The following ITGB3BP variants were observed in gnomAD, a reference collection of about 807,000 sequenced individuals.
ITGB3BP encodes the protein integrin subunit beta 3 binding protein, also known as centromere protein R.
Under a neutral mutation model 29.1 loss-of-function variants are expected in ITGB3BP, and 27 were observed. The ratio of observed to expected loss-of-function variants is 0.93; its 90% CI spans 0.68 to 1.28. The LOEUF (loss-of-function observed/expected upper bound fraction) is 1.28, where lower values mean the gene tolerates loss of function less well. Ranked by LOEUF, ITGB3BP falls within the 50% of genes most tolerant of loss-of-function variation. The pLI, the probability that ITGB3BP is intolerant of heterozygous loss-of-function variation, is 0.00. For synonymous variants in ITGB3BP, 61 were observed against 61.4 expected (o/e 0.99, Z 0.03); for missense variants, 192 against 200.2 (o/e 0.96, Z 0.25).
In ITGB3BP at chr1:63,480,898, ATC is replaced by A. The variant is rs1645426879; in HGVS notation, c.185-2067_185-2066del. 2.6e-5 allele frequency among the ~76,000 whole-genome samples: 4 copies of A among 152,208 alleles called. No individual in the cohort carries two copies. The South Asian group carries it at 8.3e-4, about 32-fold the overall frequency. ...GAGAGTTTTGGAGTAATAAATTAAA[ATC>A]TGTCTCTAAAAAAAAGCTGAAAATG... On this transcript the variant is annotated intron_variant, in intron 3 of 8. Coordinates refer to ENST00000271002, the MANE Select transcript of ITGB3BP (RefSeq NM_014288.5).
intron 4 of ITGB3BP, among the ~76,000 whole-genome samples, chr1:63,462,498 T>C (rs911358340): frequency 6.6e-6 from 1 of 152,242 alleles, no homozygotes; most frequent in Admixed American, 6.5e-5. Flanking sequence ...GAATTTCCAA[T>C]ACAATGTTGA....
intron 4 of ITGB3BP, among the ~76,000 whole-genome samples, chr1:63,463,249 CAA>C (rs10693054): frequency 5.4e-4 from 42 of 77,134 alleles, no homozygotes; most frequent in African/African-American, 1.8e-3. Context: ...AACTCTGTCT[CAA>C]AAAAAAAAAA....
At chr1:63,485,886 T>A (rs1306618910) in intron 3 of ITGB3BP, among the ~76,000 whole-genome samples, 1 of 152,078 alleles carries the variant, frequency 6.6e-6, no homozygotes, top group South Asian at 2.1e-4. Context: ...AGTTTTATCA[T>A]GATATAACTA....
upstream of ITGB3BP, among the ~76,000 whole-genome samples, chr1:63,525,213 GA>G (rs1403207817): frequency 3.3e-5 from 5 of 152,206 alleles, no homozygotes; most frequent in East Asian, 9.7e-4. Context: ...CGTATTTTGA[GA>G]GAATAGATGT....
intron 4 of ITGB3BP, among the ~76,000 whole-genome samples, chr1:63,473,445 G>A (rs1205301649): frequency 1.2e-4 from 18 of 144,026 alleles, no homozygotes; most frequent in Non-Finnish European, 2.3e-4. Flanking sequence ...CCCTCTGCCC[G>A]GCCAGTCGCC....
intron 2 of ITGB3BP, among the ~76,000 whole-genome samples, chr1:63,495,535 C>T (rs1368775393): frequency 6.6e-6 from 1 of 152,132 alleles, no homozygotes; most frequent in Non-Finnish European, 1.5e-5. Context: ...TTTCAGTTTC[C>T]TCACTTAACT....
intron 4 of ITGB3BP, among the ~76,000 whole-genome samples, chr1:63,459,848 G>A (rs146811112): frequency 2.8e-4 from 43 of 152,142 alleles, no homozygotes; most frequent in African/African-American, 9.2e-4. Context: ...TTGGTAAATG[G>A]TTAAAAATAC....
intron 2 of ITGB3BP, among the ~76,000 whole-genome samples, chr1:63,505,058 A>G (rs1452851889): frequency 6.6e-6 from 1 of 151,986 alleles, no homozygotes; most frequent in Non-Finnish European, 1.5e-5. Flanking sequence ...CTCTTTTTCT[A>G]TTGATTGGAA....
intron 4 of ITGB3BP, among the ~76,000 whole-genome samples, chr1:63,468,543 T>C (rs1645139180): frequency 6.6e-6 from 1 of 151,062 alleles, no homozygotes; most frequent in Non-Finnish European, 1.5e-5. Context: ...CTGGCCCACA[T>C]GGTGAAAGCC....
intron 2 of ITGB3BP, among the ~76,000 whole-genome samples, chr1:63,493,696 C>T (rs1285223716): frequency 6.6e-6 from 1 of 152,050 alleles, no homozygotes; most frequent in Non-Finnish European, 1.5e-5. Flanking sequence ...TTCCTTCCTT[C>T]AATTTCTTTC....
chr1:63,520,012 G>C (rs920013893), intron 1 of ITGB3BP, among the ~76,000 whole-genome samples: 5 of 152,112 alleles, frequency 3.3e-5, no homozygotes, highest in Non-Finnish European at 7.4e-5. Context: ...CTCTGGTAGA[G>C]AGTATCTTTG....
At chr1:63,511,230 C>T (rs1212399369) in intron 1 of ITGB3BP, among the ~76,000 whole-genome samples, 1 of 152,032 alleles carries the variant, frequency 6.6e-6, no homozygotes. Context: ...TGAAATATTA[C>T]TTCACAACCT....
intron 4 of ITGB3BP, among the ~76,000 whole-genome samples, chr1:63,455,946 AATT>A (rs1207274707): frequency 4.6e-5 from 7 of 152,174 alleles, no homozygotes; most frequent in South Asian, 2.1e-4. Context: ...TGAATATAAA[AATT>A]ATTGAGATAT....
Position 63,517,062 on chromosome 1 carries a change from T to C in ITGB3BP, c.5+6067A>G, listed in dbSNP as rs543474286. On this transcript the variant is annotated intron_variant, in intron 1 of 8. Coordinates refer to ENST00000271002, the MANE Select transcript of ITGB3BP (RefSeq NM_014288.5). ...AAAAGAAAGTACAAAGAAGGAAAAT[T>C]AGATTACATGAAAAATGAAATATAA... Among the ~76,000 whole-genome samples, 3 of 152,040 alleles carry C rather than the reference T, an allele frequency of 2.0e-5. No homozygotes were observed. The South Asian group carries it at 6.2e-4, about 32-fold the overall frequency.
rs1421459491 is a variant in ITGB3BP at position 63,454,916 on chromosome 1, T to C, written c.307A>G (p.Ile103Val). 3.2e-6 allele frequency: 5 copies of C among 1,563,356 alleles called. No individual in the cohort carries two copies. Among genetic ancestry groups the C allele is most frequent in the Non-Finnish European group, 4.4e-6 (5 of 1,135,244 alleles). ...TGTATACTACTTAAATTTTGCATTA[T>C]CTCCATGATTTCTTCTGACAATTTC... ...VEKLSEEIME[I>V]MQNLSSIQAL... is the part of the protein sequence containing the mutation. Residue 103 changes from isoleucine (I) to valine (V), a missense_variant, in exon 5 of 9, where the codon ATA becomes GTA. Coordinates refer to ENST00000271002, the MANE Select transcript of ITGB3BP (RefSeq NM_014288.5). This position sits in a 1 kb window ranked among gnomAD's most constrained non-coding sequence, Gnocchi z 4.1.
chr1:63,487,077 T>C (rs1645544624), intron 3 of ITGB3BP, among the ~76,000 whole-genome samples: 2 of 152,044 alleles, frequency 1.3e-5, no homozygotes, highest in Admixed American at 6.6e-5. Context: ...GCATTAGTTT[T>C]GATAAATTTT....
At chr1:63,504,821 T>C (rs2100755487) in intron 2 of ITGB3BP, among the ~76,000 whole-genome samples, 1 of 152,346 alleles carries the variant, frequency 6.6e-6, no homozygotes, top group African/African-American at 2.4e-5. Flanking sequence ...ATTTATTGAT[T>C]TGCATATGTT....
chr1:63,473,200 G>A (rs1407517691), intron 4 of ITGB3BP, among the ~76,000 whole-genome samples: 9 of 151,196 alleles, frequency 6.0e-5, no homozygotes, highest in East Asian at 2.0e-4. Flanking sequence ...GTCTCTGCCC[G>A]GCCGCCCCGT....
intron 1 of ITGB3BP, 90 bp downstream of exon 1, chr1:63,523,039 G>A: frequency 6.6e-7 from 1 of 1,508,568 alleles, no homozygotes; most frequent in South Asian, 1.1e-5. Flanking sequence ...CGAAAAAATA[G>A]GAAAACGAGA....
Sources: allele counts gnomAD v4.1 joint callset (sites outside exome capture counted in the v4.1 genomes callset), GRCh38; gene constraint gnomAD v4.1.1; non-coding constraint Gnocchi (gnomAD v3.1); transcripts MANE v1.5; gene names NCBI Gene and HGNC (gene_info 2026-07-23, HGNC 2026-07-21).